CRACD: variants seen among roughly 807,000 people sequenced by gnomAD.
CRACD encodes capping protein inhibiting regulator of actin dynamics, also known as capping protein-inhibiting regulator of actin dynamics.
CRACD carries 56 observed loss-of-function variants against 106.8 expected under a neutral mutation model. The observed-to-expected ratio is 0.52, with a 90% CI of 0.42 to 0.66. CRACD has a LOEUF of 0.66. Ranked by LOEUF, CRACD falls within the 30% of genes least tolerant of loss-of-function variation. CRACD has a pLI of 0.00. For synonymous variants in CRACD, 754 were observed against 670.8 expected (o/e 1.12, Z -1.92); for missense variants, 1,730 against 1,623.2 (o/e 1.07, Z -1.13).
At chr4:56,125,306 A>C (rs1411107873) in intron 1 of CRACD, among the ~76,000 whole-genome samples, 1 of 152,192 alleles carries the variant, frequency 6.6e-6, no homozygotes, top group Non-Finnish European at 1.5e-5. Flanking sequence ...CCTGTAAAGA[A>C]AAGTCTTTGG....
At chr4:56,306,937 C>T (rs1163854826) in intron 4 of CRACD, among the ~76,000 whole-genome samples, 1 of 152,188 alleles carries the variant, frequency 6.6e-6, no homozygotes, top group Admixed American at 6.5e-5. Context: ...GACTTGCTGG[C>T]CCTGGGGCCT....
chr4:56,312,558 A>C (rs142528581), intron 6 of CRACD, among the ~76,000 whole-genome samples: 411 of 152,332 alleles, frequency 2.7e-3, no homozygotes, highest in African/African-American at 9.2e-3. Context: ...TTTATTGAGC[A>C]CTGACCAAAT....
At chr4:56,311,352 G>C (rs559147533) in intron 6 of CRACD, 66 of 152,594 alleles carry the variant, frequency 4.3e-4, no homozygotes, top group African/African-American at 1.4e-3. Flanking sequence ...ATCTGCTCCT[G>C]AAGAAGGGGA....
chr4:56,126,616 A>G (rs1734667812), intron 1 of CRACD, among the ~76,000 whole-genome samples: 2 of 152,238 alleles, frequency 1.3e-5, no homozygotes, highest in African/African-American at 4.8e-5. Context: ...TGTTTTAACC[A>G]GTAGTTCTTT....
intron 1 of CRACD, among the ~76,000 whole-genome samples, chr4:56,085,943 T>C (rs1733203831): frequency 6.6e-6 from 1 of 152,240 alleles, no homozygotes; most frequent in East Asian, 1.9e-4. Context: ...CTTTTGTAAT[T>C]TGCTCAGTTT....
intron 8 of CRACD, among the ~76,000 whole-genome samples, chr4:56,321,713 C>G (rs1746118545): frequency 6.6e-6 from 1 of 152,170 alleles, no homozygotes; most frequent in Non-Finnish European, 1.5e-5. Flanking sequence ...GAAACAAAAA[C>G]TCTTTCAAAT....
chr4:56,264,622 C>T (rs1051863098), intron 2 of CRACD, among the ~76,000 whole-genome samples: 1 of 152,262 alleles, frequency 6.6e-6, no homozygotes, highest in East Asian at 1.9e-4. Context: ...ACACAATCAT[C>T]ACAGGGTCCT....
At chr4:56,093,998 C>A (rs1192196498) in intron 1 of CRACD, among the ~76,000 whole-genome samples, 1 of 152,110 alleles carries the variant, frequency 6.6e-6, no homozygotes, top group Non-Finnish European at 1.5e-5. Context: ...TGGATGACTG[C>A]ATTTGGGTTC....
chr4:56,198,126 G>A (rs548295630), intron 2 of CRACD, among the ~76,000 whole-genome samples: 2 of 151,986 alleles, frequency 1.3e-5, no homozygotes, highest in Non-Finnish European at 2.9e-5. Flanking sequence ...TTACTTGTTG[G>A]TATTTAGGAG....
chr4:56,259,963 A>G (rs1180565587), intron 2 of CRACD, among the ~76,000 whole-genome samples: 1 of 152,188 alleles, frequency 6.6e-6, no homozygotes, highest in Non-Finnish European at 1.5e-5. Flanking sequence ...GAGGATGACT[A>G]ATGGCCCAGA....
chr4:56,276,695 C>T (rs1333011470), intron 3 of CRACD, among the ~76,000 whole-genome samples: 1 of 152,196 alleles, frequency 6.6e-6, no homozygotes, highest in Non-Finnish European at 1.5e-5. Context: ...CTGTGCCTCT[C>T]AAGGAGGCTG....
chr4:56,052,825 CCCT>C (rs1234265447), intron 1 of CRACD, among the ~76,000 whole-genome samples: 2 of 152,146 alleles, frequency 1.3e-5, no homozygotes, highest in Non-Finnish European at 2.9e-5. Flanking sequence ...TTCTGATGTT[CCCT>C]CATAGTGATT....
Position 56,190,146 on chromosome 4 carries a change from A to T in CRACD, c.-189+10716A>T, listed in dbSNP as rs545592464. ...CATCCATGTCCCTACAAAGGACATG[A>T]ACTCATCATTTTTTATGGCTGCATA... is the stretch of plus-strand genomic sequence containing the variant. On this transcript the variant is annotated intron_variant, in intron 2 of 10. Transcript: ENST00000682029. 3.3e-5 allele frequency among the ~76,000 whole-genome samples: 5 copies of T among 151,828 alleles called. No homozygotes were observed. The East Asian group carries it at 9.7e-4, about 30-fold the overall frequency.
chr4:56,285,063 T>C (rs1437071506), intron 3 of CRACD, among the ~76,000 whole-genome samples: 1 of 152,168 alleles, frequency 6.6e-6, no homozygotes, highest in Admixed American at 6.5e-5. Context: ...CTTACAGTCA[T>C]GGTGGAAGGT....
At position 56,139,355 on chromosome 4, in the gene CRACD, CCT is replaced by C. The variant is rs1491077004; in HGVS notation, c.-335-39922_-335-39921del. ...TCTCTTTCTCTCTCTCTTTCTTTCCCCTCTCTCTTCACCTTACTTTCTCAATC... is the reference window on the plus strand; with the variant it reads ...TCTCTTTCTCTCTCTCTTTCTTTCCCCTCTCTTCACCTTACTTTCTCAATC... On this transcript the variant is annotated intron_variant, in intron 1 of 10. Transcript: ENST00000682029. Among the ~76,000 whole-genome samples the C allele has an allele frequency of 4.6e-5, 7 of 152,034 alleles. No individual in the cohort carries two copies. In the East Asian group the frequency reaches 1.3e-3, roughly 29 times the overall value.
chr4:56,178,506 T>C (rs530157769), intron 1 of CRACD, among the ~76,000 whole-genome samples: 41 of 152,350 alleles, frequency 2.7e-4, no homozygotes, highest in Admixed American at 1.1e-3. Flanking sequence ...AAAATAACTT[T>C]TGTCCAGCTG....
At chr4:56,253,428 G>C (rs1353682475) in intron 2 of CRACD, among the ~76,000 whole-genome samples, 1 of 152,200 alleles carries the variant, frequency 6.6e-6, no homozygotes, top group Non-Finnish European at 1.5e-5. Context: ...TCATTTTGCA[G>C]ATGTGGGAAC....
At chr4:56,219,403 A>G (rs1243625991) in intron 2 of CRACD, among the ~76,000 whole-genome samples, 1 of 152,204 alleles carries the variant, frequency 6.6e-6, no homozygotes, top group Non-Finnish European at 1.5e-5. Flanking sequence ...GCTGGAGTGC[A>G]GTGGTGTGAT....
At chr4:56,271,277 C>T (rs1158484240) in intron 2 of CRACD, among the ~76,000 whole-genome samples, 2 of 151,976 alleles carry the variant, frequency 1.3e-5, no homozygotes, top group Non-Finnish European at 2.9e-5. Flanking sequence ...AATTTGTATC[C>T]AAAGGCGGAG....
Sources: gnomAD v4.1 joint callset for allele counts (sites outside exome capture counted in the v4.1 genomes callset) on GRCh38, gnomAD v4.1.1 for gene constraint, MANE v1.5 for transcripts, NCBI Gene and HGNC (gene_info 2026-07-23, HGNC 2026-07-21) for gene names.